Variants in GIT1 observed in about 807,000 individuals in gnomAD.
GIT1 encodes the protein GIT ArfGAP 1, also known as ARF GTPase-activating protein GIT1.
GIT1 carries 14 observed loss-of-function variants against 91.7 expected under a neutral mutation model. The ratio of observed to expected loss-of-function variants is 0.15; its 90% CI spans 0.10 to 0.24. GIT1 has a LOEUF of 0.24. Among genes scored for constraint, GIT1 ranks in the 10% least tolerant of loss-of-function variants. The pLI is 1.00. For synonymous variants in GIT1, 414 were observed against 418.2 expected, an observed-to-expected ratio of 0.99 and a Z score of 0.12; for missense variants, 717 against 1,024.9, an observed-to-expected ratio of 0.70 and a Z score of 4.10.
intron 7 of GIT1, among the ~76,000 whole-genome samples, chr17:29,580,766 G>T (rs1275226636): frequency 6.6e-6 from 1 of 151,156 alleles, no homozygotes; most frequent in East Asian, 1.9e-4. Flanking sequence ...GGTAGCTTCT[G>T]TTTCTTTTTC....
chr17:29,577,497 G>C, intron 10 of GIT1, 148 bp downstream of exon 10: 1 of 702,792 alleles, frequency 1.4e-6, no homozygotes, highest in East Asian at 2.6e-5. Context: ...ACAGCCTCCT[G>C]ACCTTCCCAA....
intron 7 of GIT1, chr17:29,579,113 G>T: frequency 1.2e-6 from 1 of 805,274 alleles, no homozygotes; most frequent in Non-Finnish European, 2.1e-6. Flanking sequence ...GGCCCAGAAG[G>T]GACAAAGCTG....
intron 7 of GIT1, chr17:29,579,325 G>T: frequency 2.6e-6 from 1 of 390,030 alleles, no homozygotes; most frequent in South Asian, 3.4e-5. Flanking sequence ...TTCTAGTTTT[G>T]TCCCTACAAT....
chr17:29,583,924 T>G, intron 1 of GIT1: 1 of 382,316 alleles, frequency 2.6e-6, no homozygotes. Context: ...TCTCTCAGCC[T>G]TTTCCCAGGA....
Position 29,587,956 on chromosome 17 carries a change from T to G in GIT1, c.52+1371A>C, listed in dbSNP as rs554877634. On this transcript the variant is annotated intron_variant, in intron 1 of 19. Transcript: ENST00000225394. ...TGCAGCTCGGGGAACGGAGTCACAG[T>G]TTCTTAGGGGTATGGACCCTCAACC... Among the ~76,000 whole-genome samples, 446 of 152,174 alleles carry G rather than the reference T, an allele frequency of 2.9e-3. 4 individuals are homozygous for G. Among genetic ancestry groups the G allele is most frequent in the African/African-American group, 0.011 (437 of 41,506 alleles).
Position 29,581,553 on chromosome 17 carries a change from C to T in GIT1, c.719-173G>A, listed in dbSNP as rs2033395393. ...CTCGTGGGAGGATGCAGGATGCCCA[C>T]CCCCACTCCCTAGCCCCAGCGATGC... On this transcript the variant is annotated intron_variant, in intron 6 of 19. Transcript: ENST00000225394. The surrounding 1 kb of genome is among the most constrained non-coding windows in gnomAD (Gnocchi z 4.8). 2.8e-6 allele frequency: 2 copies of T among 702,274 alleles called. No individual in the cohort carries two copies. Among genetic ancestry groups the T allele is most frequent in the Admixed American group, 2.1e-5 (1 of 48,226 alleles). The allele number at this position is 702,274 out of a possible 1,614,324, so 43.5% of individuals were successfully genotyped here.
chr17:29,577,599 C>A (rs2278217), intron 10 of GIT1, 46 bp downstream of exon 10: 501,195 of 1,226,634 alleles, frequency 0.41, 108,180 homozygotes, highest in East Asian at 0.65. Flanking sequence ...GGAGGGACCG[C>A]GGGGATGAAG....
intron 1 of GIT1, among the ~76,000 whole-genome samples, chr17:29,588,726 G>A (rs1283230639): frequency 6.6e-6 from 1 of 152,194 alleles, no homozygotes; most frequent in Non-Finnish European, 1.5e-5. Context: ...GTCTAGACTG[G>A]CCCTGAACGC....
Position 29,575,916 on chromosome 17 carries a change from G to T in GIT1, c.1666-18C>A. The stretch of plus-strand genomic sequence containing the variant: ...TTCCGGATCTGAAACCCAGGGCAGC[G>T]CTGGATGGAGTCAGTGTGCCCCACT... On this transcript the variant is annotated intron_variant, in intron 15 of 19. Coordinates refer to ENST00000225394, the MANE Select transcript of GIT1 (RefSeq NM_014030.4). The surrounding 1 kb of genome is among the most constrained non-coding windows in gnomAD (Gnocchi z 5.5). 1 of 1,591,342 alleles carries T rather than the reference G, an allele frequency of 6.3e-7. No individual in the cohort carries two copies.
rs983543222 is a variant in GIT1, at chr17:29,573,682, G to A, written c.*1020C>T. 6.6e-6 allele frequency: 1 copy of A among 152,534 alleles called. No individual in the cohort carries two copies. Among genetic ancestry groups the A allele is most frequent in the Non-Finnish European group, 1.5e-5 (1 of 68,114 alleles). The allele number at this position is 152,534 out of a possible 1,614,324, so 9.4% of individuals were successfully genotyped here. On this transcript the variant is annotated 3_prime_UTR_variant, in exon 20 of 20. Transcript: ENST00000225394. ...TGGGACCACAGCAGGTGCAGGTAGT[G>A]ATGGTGGGTGCTGGCCTTGCAGAGG...
intron 1 of GIT1, among the ~76,000 whole-genome samples, chr17:29,588,417 G>C (rs2033672486): frequency 6.6e-6 from 1 of 152,296 alleles, no homozygotes; most frequent in East Asian, 1.9e-4. Context: ...AGCAGGCCTG[G>C]GGGGTTTCAC....
At chr17:29,585,760 A>G (rs1319496022) in intron 1 of GIT1, among the ~76,000 whole-genome samples, 1 of 152,124 alleles carries the variant, frequency 6.6e-6, no homozygotes, top group Non-Finnish European at 1.5e-5. Context: ...AGGTGAAGGG[A>G]TCCTTGCGTC....
chr17:29,588,863 C>T (rs2033694918), intron 1 of GIT1, among the ~76,000 whole-genome samples: 1 of 152,194 alleles, frequency 6.6e-6, no homozygotes, highest in African/African-American at 2.4e-5. Flanking sequence ...CCCTCTGCTC[C>T]TTGCCCTCCA....
rs546366334 is a variant in GIT1, at chr17:29,587,124, G to T, written c.52+2203C>A. Among the ~76,000 whole-genome samples the T allele has an allele frequency of 9.9e-5, 15 of 152,274 alleles. No homozygotes were observed. In the East Asian group the frequency reaches 2.5e-3, roughly 26 times the overall value. Reference sequence around the variant, plus strand: ...ATAATAAAAGAAGCCTGTGACCCTGGGGTGGAGCGATACACCATGGGGCTG... The same window carrying T: ...ATAATAAAAGAAGCCTGTGACCCTGTGGTGGAGCGATACACCATGGGGCTG... On this transcript the variant is annotated intron_variant, in intron 1 of 19. Transcript: ENST00000225394.
intron 7 of GIT1, chr17:29,579,374 A>G (rs923983435): frequency 7.1e-6 from 2 of 282,252 alleles, no homozygotes; most frequent in South Asian, 5.1e-5. Flanking sequence ...TTTTGGATAC[A>G]CCTGGCTGCA....
intron 1 of GIT1, among the ~76,000 whole-genome samples, chr17:29,584,959 C>CTTT (rs11419578): frequency 2.7e-3 from 280 of 102,320 alleles, no homozygotes; most frequent in African/African-American, 3.8e-3. Context: ...TGGGTTTAGG[C>CTTT]TTTTTTTTTT....
Position 29,576,111 on chromosome 17 carries a change from G to C in GIT1, c.1632C>G (p.Ile544Met), listed in dbSNP as rs771817258. The change falls in exon 15 of 20, where the codon ATC (isoleucine) becomes ATG (methionine). Residue 544 changes from isoleucine to methionine, a missense_variant. Ile to Met is a conservative substitution (Grantham distance 10). This residue lies in a region of GIT1 where 312 missense variants were observed against 349.5 expected (regional missense o/e 0.89). Transcript: ENST00000225394. ...GGCCAGCAGGGACGTGCACTGAATA[G>C]ATGGCGTCGTCCTCTAGCTCCTGGG... The part of the protein sequence containing the change: ...FHSTELEDDA[I>M]YSVHVPAGLY... 11 of 1,613,802 alleles carry C rather than the reference G, an allele frequency of 6.8e-6. No individual in the cohort carries two copies. In the Admixed American group the frequency reaches 1.8e-4, roughly 27 times the overall value.
chr17:29,578,164 G>C (rs1774456833), intron 9 of GIT1, 135 bp downstream of exon 9: 2 of 746,848 alleles, frequency 2.7e-6, no homozygotes, highest in African/African-American at 3.4e-5. Flanking sequence ...CAGGCTCACA[G>C]CCAGCAGGGG....
intron 9 of GIT1, 118 bp downstream of exon 9, chr17:29,578,181 T>C (rs1021447580): frequency 2.4e-6 from 2 of 829,848 alleles, no homozygotes; most frequent in Admixed American, 1.9e-5. Flanking sequence ...GGGGCTCATC[T>C]GCAGGCCTCT....
Sources: allele counts gnomAD v4.1 joint callset (sites outside exome capture counted in the v4.1 genomes callset), GRCh38; gene constraint gnomAD v4.1.1; regional missense constraint gnomAD v4.1.1; non-coding constraint Gnocchi (gnomAD v3.1); transcripts MANE v1.5; gene names NCBI Gene and HGNC (gene_info 2026-07-23, HGNC 2026-07-21).